The following PTPRD variants were observed in gnomAD, a reference collection of about 807,000 sequenced individuals.
PTPRD encodes protein tyrosine phosphatase receptor type D, also known as receptor-type tyrosine-protein phosphatase delta.
A neutral mutation model predicts 214.5 loss-of-function variants in PTPRD; 34 were observed. The ratio of observed to expected loss-of-function variants is 0.16; its 90% CI spans 0.12 to 0.21. The LOEUF is 0.21. Among genes scored for constraint, PTPRD ranks in the 10% least tolerant of loss-of-function variants. PTPRD has a pLI of 1.00. For missense variants in PTPRD, 2,545 were observed against 2,398.7 expected (o/e 1.06, Z -1.27); for synonymous variants, 1,128 against 845.7 (o/e 1.33, Z -5.79).
At chr9:9,728,091 C>T (rs146889003) in intron 7 of PTPRD, among the ~76,000 whole-genome samples, 1 of 152,214 alleles carries the variant, frequency 6.6e-6, no homozygotes, top group African/African-American at 2.4e-5. Context: ...GGGGTTTCCT[C>T]TTTTTGCTTG....
chr9:9,998,130 AT>A (rs1359822500), intron 4 of PTPRD, among the ~76,000 whole-genome samples: 7 of 31,710 alleles, frequency 2.2e-4, no homozygotes, highest in African/African-American at 4.9e-4. Flanking sequence ...AAAAAAAAAA[AT>A]ATATATATAT....
At chr9:10,511,553 G>A (rs1215081412) in intron 2 of PTPRD, among the ~76,000 whole-genome samples, 2 of 145,432 alleles carry the variant, frequency 1.4e-5, no homozygotes, top group Non-Finnish European at 3.0e-5. Context: ...ACAGGTGTGC[G>A]CCACCACACC....
intron 2 of PTPRD, among the ~76,000 whole-genome samples, chr9:10,445,658 AC>A (rs1463268639): frequency 6.6e-6 from 1 of 152,072 alleles, no homozygotes; most frequent in Non-Finnish European, 1.5e-5. Context: ...TGAGTCAGGG[AC>A]AAGGGCTGGC....
chr9:9,998,129 A>AAAAAATATATATATATAT (rs57991748), intron 4 of PTPRD, among the ~76,000 whole-genome samples: 3 of 91,460 alleles, frequency 3.3e-5, no homozygotes, highest in Non-Finnish European at 5.9e-5. Flanking sequence ...AAAAAAAAAA[A>AAAAAATATATATATATAT]ATATATATAT....
chr9:10,098,587 A>G (rs412590), intron 3 of PTPRD, among the ~76,000 whole-genome samples: 95,746 of 151,616 alleles, frequency 0.63, 30,869 homozygotes, highest in African/African-American at 0.74. Flanking sequence ...AGGTAGAGGT[A>G]TCTTTCTGAG....
chr9:8,801,968 T>C (rs150625965), intron 11 of PTPRD, among the ~76,000 whole-genome samples: 55 of 152,326 alleles, frequency 3.6e-4, no homozygotes, highest in African/African-American at 1.3e-3. Context: ...TAATTCCCAC[T>C]TACTTTACCT....
chr9:9,518,742 A>G (rs2154252426), intron 8 of PTPRD, among the ~76,000 whole-genome samples: 1 of 151,990 alleles, frequency 6.6e-6, no homozygotes, highest in East Asian at 1.9e-4. Flanking sequence ...AACAGAATGG[A>G]CAAGGCAGCA....
intron 4 of PTPRD, among the ~76,000 whole-genome samples, chr9:9,959,907 A>T (rs2094230560): frequency 6.6e-6 from 1 of 152,180 alleles, no homozygotes; most frequent in Admixed American, 6.6e-5. Flanking sequence ...AGATGTTTAC[A>T]TATAGAGATA....
chr9:9,038,312 G>C (rs949332177), intron 10 of PTPRD, among the ~76,000 whole-genome samples: 1 of 152,118 alleles, frequency 6.6e-6, no homozygotes, highest in Non-Finnish European at 1.5e-5. Context: ...TTTGGTCTAG[G>C]CTGGCTGGTC....
chr9:9,744,246 T>C (rs2098436753), intron 6 of PTPRD, among the ~76,000 whole-genome samples: 1 of 152,136 alleles, frequency 6.6e-6, no homozygotes, highest in African/African-American at 2.4e-5. Flanking sequence ...AGTCTTCTAA[T>C]TGGAAATACA....
chr9:10,560,274 TG>T (rs1248287121), intron 2 of PTPRD, among the ~76,000 whole-genome samples: 4 of 152,198 alleles, frequency 2.6e-5, no homozygotes, highest in African/African-American at 9.6e-5. Flanking sequence ...TGGATGAAAT[TG>T]GAAATCATCA....
intron 4 of PTPRD, among the ~76,000 whole-genome samples, chr9:9,947,896 C>T (rs1384569554): frequency 1.3e-5 from 2 of 151,254 alleles, no homozygotes; most frequent in Non-Finnish European, 2.9e-5. Flanking sequence ...TAGAATGAAT[C>T]AAGAAAGACA....
intron 12 of PTPRD, among the ~76,000 whole-genome samples, chr9:8,651,668 G>A (rs983438843): frequency 6.6e-6 from 1 of 152,076 alleles, no homozygotes; most frequent in Admixed American, 6.5e-5. Flanking sequence ...TCTGTGAACT[G>A]AAACACATAC....
intron 7 of PTPRD, among the ~76,000 whole-genome samples, chr9:9,726,746 TAG>T (rs776696798): frequency 4.6e-5 from 7 of 152,160 alleles, no homozygotes; most frequent in Non-Finnish European, 7.3e-5. Context: ...TCTTTGACAT[TAG>T]AGTTTGTATA....
chr9:9,821,145 T>C (rs956227345), intron 5 of PTPRD, among the ~76,000 whole-genome samples: 6 of 152,160 alleles, frequency 3.9e-5, no homozygotes, highest in Non-Finnish European at 8.8e-5. Flanking sequence ...CTATGTTTTC[T>C]GTTAAGTATT....
At chr9:9,860,338 CTA>C (rs960257557) in intron 5 of PTPRD, among the ~76,000 whole-genome samples, 1 of 152,148 alleles carries the variant, frequency 6.6e-6, no homozygotes, top group African/African-American at 2.4e-5. Context: ...GACAATTGAA[CTA>C]TGTTTGGAGG....
intron 8 of PTPRD, among the ~76,000 whole-genome samples, chr9:9,548,405 C>CTTTTT (rs1157663823): frequency 8.4e-6 from 1 of 118,542 alleles, no homozygotes; most frequent in African/African-American, 3.1e-5. Flanking sequence ...GACTTTTTTT[C>CTTTTT]TTTTTTTTTT....
At chr9:9,907,376 T>C (rs1193159308) in intron 5 of PTPRD, among the ~76,000 whole-genome samples, 1 of 151,942 alleles carries the variant, frequency 6.6e-6, no homozygotes, top group Admixed American at 6.6e-5. Context: ...AGAAATTTAT[T>C]TTCTCACAGT....
intron 12 of PTPRD, among the ~76,000 whole-genome samples, chr9:8,644,376 C>A (rs1010343441): frequency 1.3e-5 from 2 of 152,136 alleles, no homozygotes; most frequent in African/African-American, 4.8e-5. Flanking sequence ...AGCTCTTCTT[C>A]GTCTTGCTCA....
Sources: gnomAD v4.1 joint callset for allele counts (sites outside exome capture counted in the v4.1 genomes callset) on GRCh38, gnomAD v4.1.1 for gene constraint, MANE v1.5 for transcripts, NCBI Gene and HGNC (gene_info 2026-07-23, HGNC 2026-07-21) for gene names.